REC114: variants seen among roughly 807,000 people sequenced by gnomAD.
REC114 encodes the protein REC114 meiotic recombination protein.
In REC114, 27 loss-of-function variants were observed where a neutral mutation model predicts 31.3. That is an observed-to-expected ratio of 0.86 (90% CI 0.64 to 1.19). The LOEUF is 1.19. Among genes scored for constraint, REC114 ranks in the 50% most tolerant of loss-of-function variants. The pLI is 0.00. For synonymous variants in REC114, 134 were observed against 127.7 expected, an observed-to-expected ratio of 1.05 and a Z score of -0.33; for missense variants, 344 against 326.9, an observed-to-expected ratio of 1.05 and a Z score of -0.40.
At chr15:73,504,258 C>T (rs1261195913) in intron 2 of REC114, among the ~76,000 whole-genome samples, 1 of 152,072 alleles carries the variant, frequency 6.6e-6, no homozygotes, top group Non-Finnish European at 1.5e-5. Context: ...CCTCCTCAGC[C>T]TCCCAAAGTG....
intron 1 of REC114, among the ~76,000 whole-genome samples, chr15:73,469,660 C>G (rs1893106673): frequency 6.7e-6 from 1 of 150,252 alleles, no homozygotes; most frequent in African/African-American, 2.5e-5. Context: ...AAATTCCTGG[C>G]CTTAGGCAAG....
intron 1 of REC114, among the ~76,000 whole-genome samples, chr15:73,468,316 A>G (rs1893088650): frequency 6.6e-6 from 1 of 152,040 alleles, no homozygotes; most frequent in Non-Finnish European, 1.5e-5. Context: ...TGTCATATTT[A>G]TCCCTTAGTA....
intron 1 of REC114, among the ~76,000 whole-genome samples, chr15:73,459,079 C>T (rs1036651656): frequency 2.0e-5 from 3 of 152,006 alleles, no homozygotes; most frequent in Admixed American, 2.0e-4. Context: ...GGCAGATGCC[C>T]CCAAAATATT....
intron 2 of REC114, among the ~76,000 whole-genome samples, chr15:73,480,322 TAATA>T (rs1457321535): frequency 1.3e-5 from 2 of 151,580 alleles, no homozygotes; most frequent in Non-Finnish European, 2.9e-5. Context: ...CCAGGCTTAA[TAATA>T]AATAAATTAT....
chr15:73,549,703 A>G (rs978882627), intron 3 of REC114, among the ~76,000 whole-genome samples: 33 of 150,476 alleles, frequency 2.2e-4, no homozygotes, highest in Admixed American at 6.6e-4. Flanking sequence ...ATTTTTTCCA[A>G]TGTTGGATAA....
chr15:73,468,930 G>A (rs1234568590), intron 1 of REC114, among the ~76,000 whole-genome samples: 1 of 151,224 alleles, frequency 6.6e-6, no homozygotes, highest in East Asian at 1.9e-4. Context: ...GAATATTTGG[G>A]GCTTTTTTTC....
At chr15:73,500,404 G>A (rs1436023490) in intron 2 of REC114, among the ~76,000 whole-genome samples, 1 of 150,310 alleles carries the variant, frequency 6.7e-6, no homozygotes, top group East Asian at 1.9e-4. Context: ...CGACAAAAGA[G>A]TGTGTTATGT....
At chr15:73,517,044 A>G (rs576860652) in intron 2 of REC114, among the ~76,000 whole-genome samples, 6 of 152,342 alleles carry the variant, frequency 3.9e-5, no homozygotes, top group African/African-American at 1.4e-4. Flanking sequence ...GAACCTCACT[A>G]GGACACAGGC....
intron 4 of REC114, among the ~76,000 whole-genome samples, chr15:73,552,577 T>TA (rs1411139103): frequency 1.3e-5 from 2 of 152,212 alleles, no homozygotes; most frequent in Non-Finnish European, 2.9e-5. Flanking sequence ...GGTCTTGTGA[T>TA]AAAAAAGTTT....
chr15:73,460,092 G>C (rs527797577), intron 1 of REC114, among the ~76,000 whole-genome samples: 1 of 152,172 alleles, frequency 6.6e-6, no homozygotes, highest in South Asian at 2.1e-4. Flanking sequence ...TTGTTCTAAA[G>C]CATTAGTTTA....
intron 1 of REC114, among the ~76,000 whole-genome samples, chr15:73,445,904 C>T (rs1474243179): frequency 6.6e-6 from 1 of 152,106 alleles, no homozygotes; most frequent in Non-Finnish European, 1.5e-5. Context: ...AAATGTGATA[C>T]AGAGACATGA....
chr15:73,473,246 G>A (rs1163061892), intron 1 of REC114, among the ~76,000 whole-genome samples: 1 of 152,010 alleles, frequency 6.6e-6, no homozygotes, highest in East Asian at 1.9e-4. Context: ...AAAATTAACC[G>A]GGCATGGTGG....
At chr15:73,458,988 A>G (rs1422389856) in intron 1 of REC114, among the ~76,000 whole-genome samples, 1 of 152,222 alleles carries the variant, frequency 6.6e-6, no homozygotes, top group Non-Finnish European at 1.5e-5. Context: ...ATGAAGACTT[A>G]TTCTTTGAGC....
At chr15:73,507,794 TA>T (rs1376765718) in intron 2 of REC114, among the ~76,000 whole-genome samples, 1 of 152,128 alleles carries the variant, frequency 6.6e-6, no homozygotes, top group Non-Finnish European at 1.5e-5. Flanking sequence ...CAGCAACTTA[TA>T]AATAAGTAAG....
In REC114 at chr15:73,523,991, A is replaced by G. The variant is rs568517864; in HGVS notation, c.250-16494A>G. Among the ~76,000 whole-genome samples, 63 of 152,316 alleles carry G rather than the reference A, an allele frequency of 4.1e-4. 1 individual carries two copies. The highest frequency in any genetic ancestry group is 1.4e-3 in the African/African-American group (58 of 41,576). ...TATTGTGGCACTTTTATTGAAATCA[A>G]TTGACCTTGTACAAGGGGTCTTCAA... is the stretch of plus-strand genomic sequence containing the variant. On this transcript the variant is annotated intron_variant, in intron 2 of 5. Transcript: ENST00000331090.
chr15:73,449,539 T>C (rs962868820), intron 1 of REC114, among the ~76,000 whole-genome samples: 4 of 152,102 alleles, frequency 2.6e-5, no homozygotes, highest in Admixed American at 6.5e-5. Flanking sequence ...CTGAAAGTGA[T>C]GGGGAGAATG....
Position 73,559,857 on chromosome 15 carries a change from C to T in REC114, c.742C>T (p.Pro248Ser), listed in dbSNP as rs573067794. Residue 248 changes from proline (P) to serine (S), a missense_variant, in exon 6 of 6, where the codon CCA becomes TCA. Coordinates refer to ENST00000331090, the MANE Select transcript of REC114 (RefSeq NM_001042367.2). ...TTTGTGCCTTATGGATCAGAATTTC[C>T]CAGCATTTGTGGAAGAGGTAGAAAA... is the stretch of plus-strand genomic sequence containing the variant. ...LRLCLMDQNF[P>S]AFVEEVEKEL... 3.1e-6 allele frequency: 5 copies of T among 1,612,528 alleles called. No homozygotes were observed. The East Asian group carries it at 8.9e-5, about 29-fold the overall frequency.
intron 1 of REC114, among the ~76,000 whole-genome samples, chr15:73,448,405 C>A (rs1234474701): frequency 6.6e-6 from 1 of 152,156 alleles, no homozygotes; most frequent in East Asian, 1.9e-4. Context: ...GGGTGGAGCC[C>A]AAGACAGCTC....
chr15:73,478,283 A>G (rs933709701), intron 2 of REC114, among the ~76,000 whole-genome samples: 3 of 151,658 alleles, frequency 2.0e-5, no homozygotes, highest in Admixed American at 1.3e-4. Flanking sequence ...AAAAAAAAAA[A>G]AAAAGAATTT....
Sources: allele counts gnomAD v4.1 joint callset (sites outside exome capture counted in the v4.1 genomes callset), GRCh38; gene constraint gnomAD v4.1.1; transcripts MANE v1.5; gene names NCBI Gene and HGNC (gene_info 2026-07-23, HGNC 2026-07-21).